The following PRKAG2 variants were observed in gnomAD, a reference collection of about 807,000 sequenced individuals.
The protein encoded by PRKAG2 is protein kinase AMP-activated non-catalytic subunit gamma 2, also known as 5'-AMP-activated protein kinase subunit gamma-2.
In PRKAG2, 26 loss-of-function variants were observed where a neutral mutation model predicts 69.6. The ratio of observed to expected loss-of-function variants is 0.37; its 90% CI spans 0.27 to 0.52. PRKAG2 has a LOEUF of 0.52. Ranked by LOEUF, PRKAG2 falls within the 20% of genes least tolerant of loss-of-function variation. PRKAG2 has a pLI of 0.90. For synonymous variants in PRKAG2, 293 were observed against 285.0 expected (o/e 1.03, Z -0.28); for missense variants, 557 against 740.0 (o/e 0.75, Z 2.87).
intron 3 of PRKAG2, among the ~76,000 whole-genome samples, chr7:151,701,404 C>A (rs564473397): frequency 6.6e-6 from 1 of 152,238 alleles, no homozygotes; most frequent in South Asian, 2.1e-4. Flanking sequence ...AGGGTCATTG[C>A]AGATATAATC....
chr7:151,620,768 C>T (rs1821299673), intron 5 of PRKAG2, among the ~76,000 whole-genome samples: 1 of 151,680 alleles, frequency 6.6e-6, no homozygotes, highest in African/African-American at 2.4e-5. Context: ...GTGTTAGCCA[C>T]CACATCCAGC....
chr7:151,801,217 A>AT lies in PRKAG2; in HGVS notation c.115-14677_115-14676insA, dbSNP rs570301866. Among the ~76,000 whole-genome samples the AT allele has an allele frequency of 3.3e-4, 50 of 152,334 alleles. No individual in the cohort carries two copies. In the South Asian group the frequency reaches 9.3e-3, roughly 28 times the overall value. On this transcript the variant is annotated intron_variant, in intron 1 of 15. Transcript: ENST00000287878. ...ACGGCTCCAGGTCCTTCTAGAACAC[A>AT]GAGAAAGGTGCATGCCATGCTCCCA...
At chr7:151,611,820 G>A (rs1241780058) in intron 5 of PRKAG2, among the ~76,000 whole-genome samples, 1 of 152,142 alleles carries the variant, frequency 6.6e-6, no homozygotes, top group African/African-American at 2.4e-5. Context: ...TTGGGAGGAC[G>A]AGGCGGGCAG....
At chr7:151,749,305 T>C (rs1209408060) in intron 3 of PRKAG2, among the ~76,000 whole-genome samples, 1 of 152,178 alleles carries the variant, frequency 6.6e-6, no homozygotes, top group Non-Finnish European at 1.5e-5. Flanking sequence ...CAGTCCCCCG[T>C]CCATCAGCCT....
chr7:151,857,389 C>G (rs1188789047), intron 1 of PRKAG2, among the ~76,000 whole-genome samples: 3 of 119,222 alleles, frequency 2.5e-5, no homozygotes, highest in African/African-American at 9.5e-5. Context: ...CCATCAGCAA[C>G]TGGAAGTACC....
At position 151,557,025 on chromosome 7, in the gene PRKAG2, C is replaced by A. The variant is rs895709343; in HGVS notation, c.*176G>T. 2 of 1,059,194 alleles carry A rather than the reference C, an allele frequency of 1.9e-6. No homozygotes were observed. Among genetic ancestry groups the A allele is most frequent in the Non-Finnish European group, 2.8e-6 (2 of 721,458 alleles). The allele number at this position is 1,059,194 out of a possible 1,614,324, so 65.6% of individuals were successfully genotyped here. Reference sequence around the variant, plus strand: ...ACAGTCTTTTAATGCAAGCCTGAATCTTCAAGCACATAAAATCTTTCTTTT... The same window carrying A: ...ACAGTCTTTTAATGCAAGCCTGAATATTCAAGCACATAAAATCTTTCTTTT... On this transcript the variant is annotated 3_prime_UTR_variant, in exon 16 of 16. Coordinates refer to ENST00000287878, the MANE Select transcript of PRKAG2 (RefSeq NM_016203.4).
At chr7:151,783,729 G>A (rs1215187186) in intron 2 of PRKAG2, among the ~76,000 whole-genome samples, 1 of 151,588 alleles carries the variant, frequency 6.6e-6, no homozygotes, top group Non-Finnish European at 1.5e-5. Flanking sequence ...TGGGCAACAT[G>A]GCAAAACCCT....
intron 6 of PRKAG2, among the ~76,000 whole-genome samples, chr7:151,594,365 G>A (rs181132588): frequency 1.3e-5 from 2 of 152,308 alleles, no homozygotes; most frequent in East Asian, 1.9e-4. Flanking sequence ...AAATGTATAC[G>A]CACAGATATG....
Position 151,806,404 on chromosome 7 carries a change from G to A in PRKAG2, c.115-19863C>T, listed in dbSNP as rs370767361. 24 of 152,736 alleles carry A rather than the reference G, an allele frequency of 1.6e-4. No homozygotes were observed. The South Asian group carries it at 3.7e-3, about 24-fold the overall frequency. 9.5% of individuals were successfully genotyped at this position (152,736 alleles called of 1,614,324 possible). On this transcript the variant is annotated intron_variant, in intron 1 of 15. Coordinates refer to ENST00000287878, the MANE Select transcript of PRKAG2 (RefSeq NM_016203.4). ...ACAGAAAGTAACAATGGAGGCTCTC[G>A]CAGTGCTCGCAGGCACTCAAGGAAC...
rs1817648004 is a variant in PRKAG2 at position 151,606,759 on chromosome 7, G to A, written c.755-11305C>T. 2.6e-5 allele frequency among the ~76,000 whole-genome samples: 4 copies of A among 152,140 alleles called. No homozygotes were observed. The South Asian group carries it at 8.3e-4, about 31-fold the overall frequency. On this transcript the variant is annotated intron_variant, in intron 5 of 15. Coordinates refer to ENST00000287878, the MANE Select transcript of PRKAG2 (RefSeq NM_016203.4). The stretch of plus-strand genomic sequence containing the variant: ...GGCTGGAACCCGGGAGGTGGAGGCT[G>A]CAGTGAGCCGAGATCCTACCACTGC...
chr7:151,832,234 G>A (rs532324378), intron 1 of PRKAG2, among the ~76,000 whole-genome samples: 12 of 56,128 alleles, frequency 2.1e-4, no homozygotes, highest in African/African-American at 7.1e-4. Flanking sequence ...GAGGGAAGGA[G>A]AGGAGGAGGG....
At chr7:151,845,636 C>T (rs1052853616) in intron 1 of PRKAG2, among the ~76,000 whole-genome samples, 1 of 152,144 alleles carries the variant, frequency 6.6e-6, no homozygotes, top group South Asian at 2.1e-4. Context: ...CGGTGGCTGC[C>T]GTTTTCAGAT....
intron 3 of PRKAG2, among the ~76,000 whole-genome samples, chr7:151,769,966 CTT>C (rs2075940561): frequency 6.6e-6 from 1 of 152,206 alleles, no homozygotes; most frequent in African/African-American, 2.4e-5. Flanking sequence ...AGAACCCCCT[CTT>C]GGCCACGGGG....
At chr7:151,648,689 A>G (rs548139778) in intron 4 of PRKAG2, among the ~76,000 whole-genome samples, 3 of 152,318 alleles carry the variant, frequency 2.0e-5, no homozygotes, top group South Asian at 4.1e-4. Context: ...ATCAATTATG[A>G]GTCAAGTACT....
intron 15 of PRKAG2, 58 bp from the exon 16 acceptor site, chr7:151,557,290 C>T (rs888513954): frequency 1.9e-6 from 3 of 1,613,626 alleles, no homozygotes; most frequent in African/African-American, 2.7e-5. Flanking sequence ...GGGTTCTCTA[C>T]CCCAGGGGTT....
intron 3 of PRKAG2, among the ~76,000 whole-genome samples, chr7:151,737,839 C>T (rs1261464470): frequency 6.6e-6 from 1 of 152,222 alleles, no homozygotes; most frequent in Non-Finnish European, 1.5e-5. Flanking sequence ...CATTCTATCC[C>T]CATGAGATGA....
At chr7:151,634,941 T>G (rs865851868) in intron 4 of PRKAG2, among the ~76,000 whole-genome samples, 2 of 141,672 alleles carry the variant, frequency 1.4e-5, no homozygotes, top group African/African-American at 5.5e-5. Flanking sequence ...GAACCACTGT[T>G]TTTTTTTTTT....
intron 3 of PRKAG2, among the ~76,000 whole-genome samples, chr7:151,724,389 CAG>C (rs1254249995): frequency 2.6e-5 from 4 of 152,162 alleles, no homozygotes; most frequent in Admixed American, 6.5e-5. Context: ...GGCATCTCCA[CAG>C]AGTCTGTCGG....
chr7:151,765,387 G>A lies in PRKAG2; in HGVS notation c.466+15765C>T, dbSNP rs147587297. 1.9e-3 allele frequency among the ~76,000 whole-genome samples: 284 copies of A among 152,270 alleles called. 1 individual carries two copies. Among genetic ancestry groups the A allele is most frequent in the African/African-American group, 6.4e-3 (266 of 41,550 alleles). On this transcript the variant is annotated intron_variant, in intron 3 of 15. Transcript: ENST00000287878. The stretch of plus-strand genomic sequence containing the variant: ...ATAGCAATGGGAAGTCTGCCCCTAC[G>A]ATTCAATCACCTCCCACCAGGCCCC...
Sources: gnomAD v4.1 joint callset for allele counts (sites outside exome capture counted in the v4.1 genomes callset) on GRCh38, gnomAD v4.1.1 for gene constraint, MANE v1.5 for transcripts, NCBI Gene and HGNC (gene_info 2026-07-23, HGNC 2026-07-21) for gene names.